The following UGT1A6 variants were observed in gnomAD, a reference collection of about 807,000 sequenced individuals.
UGT1A6 encodes UDP-glucuronosyltransferase 1A6.
Under a neutral mutation model 44.4 loss-of-function variants are expected in UGT1A6, and 32 were observed. The observed-to-expected ratio is 0.72, with a 90% CI of 0.54 to 0.97. The LOEUF (loss-of-function observed/expected upper bound fraction) is 0.97. Among genes scored for constraint, UGT1A6 ranks in the 50% least tolerant of loss-of-function variants. The pLI is 0.00. For missense variants in UGT1A6, 685 were observed against 661.9 expected (o/e 1.03, Z -0.38); for synonymous variants, 238 against 248.5 (o/e 0.96, Z 0.40).
At chr2:233,754,555 A>G in intron 1 of UGT1A6, 1 of 389,272 alleles carries the variant, frequency 2.6e-6, no homozygotes, top group South Asian at 1.9e-5. Flanking sequence ...CTTGGTGTCA[A>G]TGGGGAGCAA....
At chr2:233,743,998 C>T (rs1199821485) in intron 1 of UGT1A6, 12 of 1,233,642 alleles carry the variant, frequency 9.7e-6, no homozygotes, top group African/African-American at 6.3e-5. Flanking sequence ...CCCGAGTGCT[C>T]GGAGACCTGG....
chr2:233,741,193 A>G (rs1392920189), intron 1 of UGT1A6, among the ~76,000 whole-genome samples: 1 of 151,910 alleles, frequency 6.6e-6, no homozygotes, highest in Non-Finnish European at 1.5e-5. Flanking sequence ...TTTGCTTTCA[A>G]CTGTTAAAAC....
chr2:233,724,618 G>A (rs1325870277), intron 1 of UGT1A6, among the ~76,000 whole-genome samples: 1 of 137,250 alleles, frequency 7.3e-6, no homozygotes, highest in East Asian at 2.4e-4. Flanking sequence ...GGGCAGAGAC[G>A]CTCCTCACTT....
At chr2:233,750,028 T>C (rs1368553754) in intron 1 of UGT1A6, among the ~76,000 whole-genome samples, 13 of 151,882 alleles carry the variant, frequency 8.6e-5, no homozygotes, top group Admixed American at 8.5e-4. Context: ...AGTACTGCTA[T>C]AAAGATACTT....
rs1312767733 is a variant in UGT1A6, at chr2:233,718,748, A to C, written c.861+24883A>C. 2.5e-6 allele frequency: 4 copies of C among 1,612,148 alleles called. No homozygotes were observed. In the African/African-American group the frequency reaches 5.3e-5, roughly 22 times the overall value. ...TGCTAGGTGGCTCAATGACAAGGTA[A>C]TTAAGGCGAAGGAAACAAATGTAGC... is the stretch of plus-strand genomic sequence containing the variant. On this transcript the variant is annotated intron_variant, in intron 1 of 4. Coordinates refer to ENST00000305139, the MANE Select transcript of UGT1A6 (RefSeq NM_001072.4).
chr2:233,705,833 C>A (rs915135173), intron 1 of UGT1A6, among the ~76,000 whole-genome samples: 3 of 152,118 alleles, frequency 2.0e-5, no homozygotes, highest in African/African-American at 7.2e-5. Flanking sequence ...AGCACAGTGG[C>A]TGGAGCTGAA....
At chr2:233,709,290 A>G (rs1187153561) in intron 1 of UGT1A6, among the ~76,000 whole-genome samples, 1 of 152,124 alleles carries the variant, frequency 6.6e-6, no homozygotes, top group African/African-American at 2.4e-5. Flanking sequence ...CCTTCAATTA[A>G]TGATATTTTC....
intron 1 of UGT1A6, chr2:233,719,187 G>A (rs747678615): frequency 1.3e-5 from 21 of 1,614,050 alleles, no homozygotes; most frequent in Admixed American, 1.0e-4. Flanking sequence ...TGTATCTTTG[G>A]CCCTTCATAG....
rs1022638248 is a variant in UGT1A6, at chr2:233,725,056, G to A, written c.861+31191G>A. On this transcript the variant is annotated intron_variant, in intron 1 of 4. Coordinates refer to ENST00000305139, the MANE Select transcript of UGT1A6 (RefSeq NM_001072.4). ...ACCAAAACCAGTCAGGCGTGGCGGC[G>A]CGCGCCTGCAATCGCAGGCACTCGG... Among the ~76,000 whole-genome samples the A allele has an allele frequency of 2.3e-4, 34 of 147,566 alleles. 1 individual carries two copies. Among genetic ancestry groups the A allele is most frequent in the African/African-American group, 3.0e-4 (12 of 39,600 alleles).
intron 1 of UGT1A6, chr2:233,729,060 A>T: frequency 1.9e-6 from 3 of 1,610,660 alleles, no homozygotes; most frequent in Non-Finnish European, 2.5e-6. Context: ...GGTAATTAAG[A>T]TGAAGAAAGC....
chr2:233,714,997 C>A (rs1229091752), intron 1 of UGT1A6, among the ~76,000 whole-genome samples: 1 of 152,164 alleles, frequency 6.6e-6, no homozygotes, highest in Non-Finnish European at 1.5e-5. Context: ...CTGCCTCAGC[C>A]TCCCAAGTAG....
At chr2:233,694,307 T>TG (rs2075212609) in intron 1 of UGT1A6, among the ~76,000 whole-genome samples, 1 of 151,966 alleles carries the variant, frequency 6.6e-6, no homozygotes, top group African/African-American at 2.4e-5. Flanking sequence ...GTTTTTTGTT[T>TG]TTTTTTTTCC....
rs939298630 is a variant in UGT1A6, at chr2:233,760,212, G to A, written c.862-6822G>A. ...ACGTGACACAGTCAAACATTAACTT[G>A]GTGTATCGATTGGTTTTTGCCATAT... On this transcript the variant is annotated intron_variant, in intron 1 of 4. Coordinates refer to ENST00000305139, the MANE Select transcript of UGT1A6 (RefSeq NM_001072.4). 1.9e-5 allele frequency: 30 copies of A among 1,591,462 alleles called. No homozygotes were observed. The Admixed American group carries it at 4.7e-4, about 25-fold the overall frequency.
chr2:233,729,491 T>C, intron 1 of UGT1A6: 1 of 1,614,228 alleles, frequency 6.2e-7, no homozygotes, highest in Non-Finnish European at 8.5e-7. Context: ...AATATGTCTT[T>C]GGTCTATCAT....
In UGT1A6 at chr2:233,767,858, C is replaced by T. The variant is rs139607673; in HGVS notation, c.1003C>T (p.Arg335Trp). 6.2e-6 allele frequency: 10 copies of T among 1,614,002 alleles called. No homozygotes were observed. Among genetic ancestry groups the T allele is most frequent in the Admixed American group, 3.3e-5 (2 of 59,992 alleles). ...TTTTTGCCCCTCCCAGGTCCTGTGG[C>T]GGTACACTGGAACCCGACCATCGAA... ...LGKIPQTVLWRYTGTRPSNLA... is the reference protein window; with the variant it reads ...LGKIPQTVLWWYTGTRPSNLA... The change falls in exon 3 of 5, where the codon CGG (arginine) becomes TGG (tryptophan). Residue 335 changes from arginine to tryptophan, a missense_variant. Transcript: ENST00000305139.
chr2:233,693,464 C>G lies in UGT1A6; in HGVS notation c.460C>G (p.Pro154Ala). The G allele has an allele frequency of 1.2e-6, 2 of 1,614,126 alleles. No homozygotes were observed. The highest frequency in any genetic ancestry group is 1.1e-5 in the South Asian group (1 of 91,076). Residue 154 changes from proline (P) to alanine (A), a missense_variant, in exon 1 of 5, where the codon CCC becomes GCC. Transcript: ENST00000305139. Reference protein sequence around the residue: ...FDALFTDPALPCGVILAEYLG... With the variant: ...FDALFTDPALACGVILAEYLG... ...TGCTCTTTTCACAGACCCAGCCTTA[C>G]CCTGTGGGGTGATCCTGGCTGAGTA... is the stretch of plus-strand genomic sequence containing the variant.
At chr2:233,756,874 G>C (rs1221596581) in intron 1 of UGT1A6, among the ~76,000 whole-genome samples, 1 of 152,098 alleles carries the variant, frequency 6.6e-6, no homozygotes, top group Non-Finnish European at 1.5e-5. Context: ...GGTATTAGGT[G>C]TAATGAGGAT....
intron 1 of UGT1A6, among the ~76,000 whole-genome samples, chr2:233,748,966 G>A (rs1694075594): frequency 6.6e-6 from 1 of 151,630 alleles, no homozygotes; most frequent in Non-Finnish European, 1.5e-5. Flanking sequence ...AGTTTCTATA[G>A]TGGGATCTAC....
Position 233,772,516 on chromosome 2 carries a change from A to T in UGT1A6, c.1556A>T (p.Lys519Ile). The T allele has an allele frequency of 1.2e-6, 2 of 1,614,208 alleles. No individual in the cohort carries two copies. Among genetic ancestry groups the T allele is most frequent in the Non-Finnish European group, 1.7e-6 (2 of 1,180,034 alleles). Reference protein sequence around the residue: ...CAYGYRKCLGKKGRVKKAHKS... With the variant: ...CAYGYRKCLGIKGRVKKAHKS... ...TATGGCTACCGGAAATGCTTGGGGAAAAAAGGGCGAGTTAAGAAAGCCCAC... is the reference window on the plus strand; with the variant it reads ...TATGGCTACCGGAAATGCTTGGGGATAAAAGGGCGAGTTAAGAAAGCCCAC... The change falls in exon 5 of 5, where the codon AAA becomes ATA. Residue 519 changes from lysine (K) to isoleucine (I), a missense_variant. By Grantham distance (102) the Lys-to-Ile change is moderately radical. Transcript: ENST00000305139.
Sources: allele counts gnomAD v4.1 joint callset (sites outside exome capture counted in the v4.1 genomes callset), GRCh38; gene constraint gnomAD v4.1.1; transcripts MANE v1.5; gene names NCBI Gene and HGNC (gene_info 2026-07-23, HGNC 2026-07-21).